Variants in SNTG1 observed in about 807,000 individuals in gnomAD.
The protein encoded by SNTG1 is gamma-1-syntrophin.
A neutral mutation model predicts 74.7 loss-of-function variants in SNTG1; 39 were observed. The observed-to-expected ratio is 0.52, with a 90% CI of 0.40 to 0.68. SNTG1 has a LOEUF of 0.68. Among genes scored for constraint, SNTG1 ranks in the 30% least tolerant of loss-of-function variants. The pLI is 0.00. For missense variants in SNTG1, 685 were observed against 609.5 expected (o/e 1.12, Z -1.30); for synonymous variants, 254 against 217.1 (o/e 1.17, Z -1.49).
rs1020402065 is a variant in SNTG1, at chr8:50,121,639, G to T, written c.-102-50922G>T. 4.9e-5 allele frequency among the ~76,000 whole-genome samples: 7 copies of T among 142,040 alleles called. No homozygotes were observed. In the East Asian group the frequency reaches 1.4e-3, roughly 29 times the overall value. The allele number at this position is 142,040 out of a possible 152,430, so 93.2% of individuals were successfully genotyped here. Reference sequence around the variant, plus strand: ...AACTGAAACTAGTGACAGAGAAGGAGAATTTGTTGAGGATTTAAACCAATG... The same window carrying T: ...AACTGAAACTAGTGACAGAGAAGGATAATTTGTTGAGGATTTAAACCAATG... On this transcript the variant is annotated intron_variant, in intron 1 of 18. Coordinates refer to ENST00000642720, the MANE Select transcript of SNTG1 (RefSeq NM_018967.5).
intron 1 of SNTG1, among the ~76,000 whole-genome samples, chr8:49,933,745 T>C (rs572530054): frequency 6.6e-6 from 1 of 152,332 alleles, no homozygotes; most frequent in Admixed American, 6.5e-5. Flanking sequence ...AATTTTATTA[T>C]TGTACCTTTG....
chr8:50,660,263 A>AAAGAAGGAAAGAAGGAGGGAAG (rs2095212149), intron 15 of SNTG1, among the ~76,000 whole-genome samples: 2 of 143,616 alleles, frequency 1.4e-5, no homozygotes, highest in South Asian at 4.2e-4. Flanking sequence ...GGAGGGAAGG[A>AAAGAAGGAAAGAAGGAGGGAAG]GAGAGAGAGA....
chr8:50,330,146 G>A (rs1413700444), intron 2 of SNTG1, among the ~76,000 whole-genome samples: 1 of 152,114 alleles, frequency 6.6e-6, no homozygotes, highest in Non-Finnish European at 1.5e-5. Context: ...TTGAATCATG[G>A]GGGTGGTTAC....
chr8:50,566,570 CAG>C (rs1437085408), intron 12 of SNTG1, among the ~76,000 whole-genome samples: 1 of 151,894 alleles, frequency 6.6e-6, no homozygotes, highest in Admixed American at 6.6e-5. Flanking sequence ...GCATAAAAGA[CAG>C]AGGTCTGTAT....
At chr8:50,200,524 G>A (rs2083944703) in intron 2 of SNTG1, among the ~76,000 whole-genome samples, 1 of 152,172 alleles carries the variant, frequency 6.6e-6, no homozygotes, top group South Asian at 2.1e-4. Context: ...ATGTGTACTT[G>A]TAATTCTCTG....
At chr8:50,228,920 A>C (rs1563769962) in intron 2 of SNTG1, among the ~76,000 whole-genome samples, 1 of 151,764 alleles carries the variant, frequency 6.6e-6, no homozygotes, top group Non-Finnish European at 1.5e-5. Context: ...AGCTGTTTAA[A>C]ATAATAATAG....
At chr8:50,467,225 A>G (rs1005684092) in intron 8 of SNTG1, among the ~76,000 whole-genome samples, 4 of 151,958 alleles carry the variant, frequency 2.6e-5, no homozygotes, top group African/African-American at 9.7e-5. Context: ...GTTCTAGACA[A>G]AATAGTGGAG....
chr8:50,112,515 CTTTTTTT>C lies in SNTG1; in HGVS notation c.-102-60027_-102-60021del, dbSNP rs34942560. Among the ~76,000 whole-genome samples, 263 of 77,610 alleles carry C rather than the reference CTTTTTTT, an allele frequency of 3.4e-3. 1 individual carries two copies. Among genetic ancestry groups the C allele is most frequent in the African/African-American group, 0.013 (248 of 19,498 alleles). The allele number at this position is 77,610 out of a possible 152,430, so 50.9% of individuals were successfully genotyped here. A position where few individuals can be genotyped will look rare whatever the true frequency, so the allele number is the denominator to read the frequency against. On this transcript the variant is annotated intron_variant, in intron 1 of 18. Transcript: ENST00000642720. ...AGCATACACAAGTATTTAGTTCTTT[CTTTTTTT>C]TTTTTTTTTTTTTTTTTTGAGACAG...
chr8:50,240,725 C>G (rs533440083), intron 2 of SNTG1, among the ~76,000 whole-genome samples: 1 of 152,114 alleles, frequency 6.6e-6, no homozygotes, highest in Non-Finnish European at 1.5e-5. Flanking sequence ...GACTCATTCC[C>G]TCACCCATAA....
chr8:50,203,063 A>G (rs1376771899), intron 2 of SNTG1, among the ~76,000 whole-genome samples: 3 of 150,210 alleles, frequency 2.0e-5, no homozygotes, highest in Non-Finnish European at 4.4e-5. Context: ...TTATCCTCTT[A>G]TTTTTCTCCT....
chr8:50,341,812 A>G (rs141604048), intron 2 of SNTG1, among the ~76,000 whole-genome samples: 1 of 152,062 alleles, frequency 6.6e-6, no homozygotes, highest in Non-Finnish European at 1.5e-5. Flanking sequence ...TAATAGCCAT[A>G]GGAACATGAC....
chr8:50,484,165 C>T (rs200113007), intron 8 of SNTG1, among the ~76,000 whole-genome samples: 1,056 of 52,078 alleles, frequency 0.02, 18 homozygotes, highest in African/African-American at 0.056. Flanking sequence ...TCCTTCCTTC[C>T]TTCCTTCCTT....
intron 4 of SNTG1, among the ~76,000 whole-genome samples, chr8:50,431,511 G>A (rs373423439): frequency 1.3e-4 from 20 of 152,246 alleles, no homozygotes; most frequent in African/African-American, 4.3e-4. Flanking sequence ...ATAAATATCT[G>A]CATGCAGATT....
At chr8:50,122,088 T>C (rs559987331) in intron 1 of SNTG1, among the ~76,000 whole-genome samples, 2 of 140,758 alleles carry the variant, frequency 1.4e-5, no homozygotes, top group East Asian at 4.1e-4. Context: ...GCCCCCTGCC[T>C]TGGTTTAGGG....
chr8:49,934,404 T>C (rs1241297882), intron 1 of SNTG1, among the ~76,000 whole-genome samples: 2 of 152,088 alleles, frequency 1.3e-5, no homozygotes, highest in Admixed American at 6.6e-5. Flanking sequence ...TAGACTTTCT[T>C]TGAGAGAAAA....
At chr8:50,080,795 G>C (rs530498006) in intron 1 of SNTG1, among the ~76,000 whole-genome samples, 4 of 152,250 alleles carry the variant, frequency 2.6e-5, no homozygotes, top group African/African-American at 9.6e-5. Context: ...CAATAAAAAT[G>C]TACCTGCAAT....
chr8:50,291,553 G>C (rs1310302494), intron 2 of SNTG1, among the ~76,000 whole-genome samples: 1 of 152,158 alleles, frequency 6.6e-6, no homozygotes. Flanking sequence ...CCTCAGGAAA[G>C]TTGCAGGGCT....
intron 11 of SNTG1, among the ~76,000 whole-genome samples, chr8:50,541,243 CTGTGTG>C (rs200129335): frequency 5.6e-4 from 80 of 143,058 alleles, no homozygotes; most frequent in African/African-American, 1.6e-3. Context: ...AAGATTTTAC[CTGTGTG>C]TGTGTGTGTG....
intron 14 of SNTG1, 64 bp downstream of exon 14, chr8:50,657,089 A>T (rs2095187204): frequency 2.4e-6 from 2 of 837,070 alleles, no homozygotes; most frequent in Non-Finnish European, 3.6e-6. Flanking sequence ...ACACCAACTT[A>T]ACAGCACCAA....
Sources: gnomAD v4.1 joint callset for allele counts (sites outside exome capture counted in the v4.1 genomes callset) on GRCh38, gnomAD v4.1.1 for gene constraint, MANE v1.5 for transcripts, NCBI Gene and HGNC (gene_info 2026-07-23, HGNC 2026-07-21) for gene names.